MFHAS1: variants seen among roughly 807,000 people sequenced by gnomAD.
The protein encoded by MFHAS1 is malignant fibrous histiocytoma-amplified sequence 1.
Under a neutral mutation model 70.4 loss-of-function variants are expected in MFHAS1, and 50 were observed. The ratio of observed to expected loss-of-function variants is 0.71; its 90% confidence interval spans 0.57 to 0.90. MFHAS1 has a LOEUF of 0.90. Ranked by LOEUF, MFHAS1 falls within the 40% of genes least tolerant of loss-of-function variation. The pLI, the probability that MFHAS1 is intolerant of heterozygous loss-of-function variation, is 0.00. For synonymous variants in MFHAS1, 952 were observed against 620.0 expected, an observed-to-expected ratio of 1.54 and a Z score of -7.96; for missense variants, 1,795 against 1,347.6, an observed-to-expected ratio of 1.33 and a Z score of -5.20.
chr8:8,874,913 A>G (rs935388869), intron 1 of MFHAS1, among the ~76,000 whole-genome samples: 3 of 152,086 alleles, frequency 2.0e-5, no homozygotes, highest in African/African-American at 4.8e-5. Flanking sequence ...ATTAAAAAAA[A>G]AAAAAGAAAA....
intron 1 of MFHAS1, among the ~76,000 whole-genome samples, chr8:8,853,728 G>A (rs966000120): frequency 2.0e-5 from 3 of 152,134 alleles, no homozygotes; most frequent in Admixed American, 2.0e-4. Flanking sequence ...CACCACTCCT[G>A]GCAAATTTTG....
At chr8:8,876,163 A>C (rs1041324075) in intron 1 of MFHAS1, among the ~76,000 whole-genome samples, 13 of 152,198 alleles carry the variant, frequency 8.5e-5, no homozygotes, top group African/African-American at 3.1e-4. Flanking sequence ...TATGATGCCT[A>C]AAGTCACATA....
chr8:8,892,890 C>A lies in MFHAS1; in HGVS notation c.169G>T (p.Val57Leu). 1 of 1,580,722 alleles carries A rather than the reference C, an allele frequency of 6.3e-7. No individual in the cohort carries two copies. The highest frequency in any genetic ancestry group is 1.1e-5 in the South Asian group (1 of 86,976). ...ALESPASPQLVLPANLGDIEA... is the reference protein window; with the variant it reads ...ALESPASPQLLLPANLGDIEA... ...ATGTCCCCGAGGTTGGCCGGCAGCA[C>A]GAGCTGGGGGGAGGCGGGGGACTCG... The change falls in exon 1 of 3, where the codon GTG becomes TTG. Residue 57 changes from valine (V) to leucine (L), a missense_variant. Transcript: ENST00000276282. The surrounding 1 kb of genome is among the most constrained non-coding windows in gnomAD (Gnocchi z 4.7).
intron 1 of MFHAS1, among the ~76,000 whole-genome samples, chr8:8,879,907 C>G (rs1809447359): frequency 6.6e-6 from 1 of 152,246 alleles, no homozygotes; most frequent in South Asian, 2.1e-4. Flanking sequence ...CGCTGCCACT[C>G]TACCTTCATT....
chr8:8,800,344 C>G (rs1401484825), intron 1 of MFHAS1, among the ~76,000 whole-genome samples: 1 of 152,152 alleles, frequency 6.6e-6, no homozygotes, highest in African/African-American at 2.4e-5. Flanking sequence ...AAAAGATCCT[C>G]AAATATAAAA....
At chr8:8,803,424 G>GA (rs1273612872) in intron 1 of MFHAS1, among the ~76,000 whole-genome samples, 1 of 151,182 alleles carries the variant, frequency 6.6e-6, no homozygotes, top group Non-Finnish European at 1.5e-5. Flanking sequence ...GGCTGAGGCA[G>GA]AAGAATCGCT....
At position 8,850,315 on chromosome 8, in the gene MFHAS1, T is replaced by A. The variant is rs115963043; in HGVS notation, c.2998+39746A>T. On this transcript the variant is annotated intron_variant, in intron 1 of 2. Coordinates refer to ENST00000276282, the MANE Select transcript of MFHAS1 (RefSeq NM_004225.3). ...ACATGTCTGTGACAATACACACTAA[T>A]AATTTCCCACTTTTTATTAAATGTT... 2.0e-5 allele frequency among the ~76,000 whole-genome samples: 3 copies of A among 152,326 alleles called. No homozygotes were observed. The East Asian group carries it at 5.8e-4, about 29-fold the overall frequency.
intron 1 of MFHAS1, among the ~76,000 whole-genome samples, chr8:8,815,877 T>C (rs1163552388): frequency 6.6e-6 from 1 of 152,112 alleles, no homozygotes; most frequent in Non-Finnish European, 1.5e-5. Flanking sequence ...AGTCAAAAAG[T>C]AGAAACTCCC....
intron 1 of MFHAS1, among the ~76,000 whole-genome samples, chr8:8,800,415 C>T (rs1056754628): frequency 2.0e-5 from 3 of 152,158 alleles, no homozygotes; most frequent in African/African-American, 7.2e-5. Flanking sequence ...ACCCAAGTAA[C>T]AGCATGTTCG....
chr8:8,797,235 G>C (rs1343132269), intron 2 of MFHAS1, 130 bp downstream of exon 2: 6 of 949,642 alleles, frequency 6.3e-6, no homozygotes, highest in Middle Eastern at 2.5e-4. Flanking sequence ...TCATCCAGAA[G>C]AATTATGTCT....
At chr8:8,840,887 A>G (rs1036133197) in intron 1 of MFHAS1, among the ~76,000 whole-genome samples, 12 of 152,222 alleles carry the variant, frequency 7.9e-5, no homozygotes, top group Non-Finnish European at 1.6e-4. Context: ...TGATTCAAAT[A>G]TCTTATAAAT....
At chr8:8,810,431 G>T (rs962853555) in intron 1 of MFHAS1, among the ~76,000 whole-genome samples, 1 of 152,208 alleles carries the variant, frequency 6.6e-6, no homozygotes, top group Non-Finnish European at 1.5e-5. Flanking sequence ...GAACCATGCA[G>T]GTCCATTTAC....
At position 8,785,397 on chromosome 8, in the gene MFHAS1, T is replaced by TTC. The variant is rs397690818; in HGVS notation, c.*624_*625insGA. 67 of 151,534 alleles carry TTC rather than the reference T, an allele frequency of 4.4e-4. No individual in the cohort carries two copies. Among genetic ancestry groups the TTC allele is most frequent in the African/African-American group, 1.6e-3 (66 of 41,090 alleles). 9.4% of individuals were successfully genotyped at this position (151,534 alleles called of 1,614,324 possible). ...TGGGCTAACAGAGAGATTTTTTTTT[T>TTC]AATGTGAAGAGGATTAAAGAATAAA... is the stretch of plus-strand genomic sequence containing the variant. On this transcript the variant is annotated 3_prime_UTR_variant, in exon 3 of 3. Transcript: ENST00000276282.
chr8:8,797,291 G>A (rs1250255806), intron 2 of MFHAS1, 74 bp downstream of exon 2: 2 of 1,558,844 alleles, frequency 1.3e-6, no homozygotes. Flanking sequence ...GTTTAACCTG[G>A]ATTTTTGTGG....
intron 1 of MFHAS1, among the ~76,000 whole-genome samples, chr8:8,856,717 C>T (rs991310412): frequency 1.3e-5 from 2 of 152,036 alleles, no homozygotes; most frequent in African/African-American, 2.4e-5. Context: ...TTTCCCAGCA[C>T]AGAGCATCCC....
At chr8:8,802,363 G>A (rs10099808) in intron 1 of MFHAS1, among the ~76,000 whole-genome samples, 53,979 of 152,062 alleles carry the variant, frequency 0.35, 10,974 homozygotes, top group African/African-American at 0.55. Context: ...GAAACATACT[G>A]AACACTGTAT....
At chr8:8,834,665 G>A (rs1264981616) in intron 1 of MFHAS1, among the ~76,000 whole-genome samples, 5 of 152,150 alleles carry the variant, frequency 3.3e-5, no homozygotes, top group South Asian at 2.1e-4. Context: ...TCCACTCTAT[G>A]ATGTTCATAC....
At chr8:8,859,084 G>C (rs1808563647) in intron 1 of MFHAS1, among the ~76,000 whole-genome samples, 1 of 152,224 alleles carries the variant, frequency 6.6e-6, no homozygotes, top group Non-Finnish European at 1.5e-5. Context: ...TGGTAGTGAT[G>C]GCTCATGCCT....
chr8:8,836,478 G>A (rs1274313960), intron 1 of MFHAS1, among the ~76,000 whole-genome samples: 5 of 152,014 alleles, frequency 3.3e-5, no homozygotes, highest in Admixed American at 1.3e-4. Flanking sequence ...TCCCGGGCTC[G>A]AGTGAACCTC....
Sources: allele counts gnomAD v4.1 joint callset (sites outside exome capture counted in the v4.1 genomes callset), GRCh38; gene constraint gnomAD v4.1.1; non-coding constraint Gnocchi (gnomAD v3.1); transcripts MANE v1.5; gene names NCBI Gene and HGNC (gene_info 2026-07-23, HGNC 2026-07-21).